The following QTMAN variants were observed in gnomAD, a reference collection of about 807,000 sequenced individuals.
QTMAN encodes tRNA-queuosine alpha-mannosyltransferase.
chr2:144,001,107 TATCATTC>T, the QTMAN span, among the ~76,000 whole-genome samples: 2 of 152,016 alleles, frequency 1.3e-5, no homozygotes, highest in Non-Finnish European at 2.9e-5. Flanking sequence ...CTGAAAAGCA[TATCATTC>T]TAATCATCCA....
chr2:144,059,714 C>T, the QTMAN span, among the ~76,000 whole-genome samples: 24 of 152,302 alleles, frequency 1.6e-4, no homozygotes, highest in Non-Finnish European at 3.1e-4. Flanking sequence ...AAGGCCATCC[C>T]CACCTTAACA....
chr2:143,985,644 A>T, the QTMAN span, among the ~76,000 whole-genome samples: 1 of 152,200 alleles, frequency 6.6e-6, no homozygotes, highest in African/African-American at 2.4e-5. Flanking sequence ...AAACTGTACC[A>T]TGCTTTCTAA....
chr2:144,125,414 T>G, the QTMAN span, among the ~76,000 whole-genome samples: 1 of 152,018 alleles, frequency 6.6e-6, no homozygotes, highest in African/African-American at 2.4e-5. Context: ...AATTCCAACT[T>G]AGGTAATTAC....
the QTMAN span, among the ~76,000 whole-genome samples, chr2:144,179,609 A>C: frequency 6.6e-6 from 1 of 152,170 alleles, no homozygotes; most frequent in African/African-American, 2.4e-5. Context: ...GAACGTCTTC[A>C]TAAGTTGGGA....
the QTMAN span, among the ~76,000 whole-genome samples, chr2:144,266,500 G>A: frequency 6.6e-6 from 1 of 152,170 alleles, no homozygotes; most frequent in Admixed American, 6.5e-5. Flanking sequence ...TAGTTTTGAA[G>A]ATTAGATGAT....
the QTMAN span, among the ~76,000 whole-genome samples, chr2:144,106,624 CAA>C: frequency 6.6e-6 from 1 of 152,184 alleles, no homozygotes; most frequent in Non-Finnish European, 1.5e-5. Flanking sequence ...TACAGACCTA[CAA>C]AGAGACTTAG....
At chr2:144,029,264 G>A in the QTMAN span, among the ~76,000 whole-genome samples, 2 of 152,166 alleles carry the variant, frequency 1.3e-5, no homozygotes, top group Admixed American at 6.5e-5. Flanking sequence ...CAAAGTGGTT[G>A]CTGATGTTTT....
chr2:144,090,590 A>G, the QTMAN span, among the ~76,000 whole-genome samples: 1 of 152,208 alleles, frequency 6.6e-6, no homozygotes, highest in South Asian at 2.1e-4. Context: ...TCAGAAACTG[A>G]AAGTATCAAA....
the QTMAN span, among the ~76,000 whole-genome samples, chr2:143,966,175 G>GGT: frequency 2.0e-5 from 3 of 152,164 alleles, no homozygotes; most frequent in African/African-American, 7.2e-5. Context: ...TTGCCTTTGA[G>GGT]GTAGACTGAT....
chr2:144,102,777 C>A, the QTMAN span, among the ~76,000 whole-genome samples: 13 of 152,244 alleles, frequency 8.5e-5, no homozygotes, highest in Admixed American at 3.9e-4. Flanking sequence ...TCTCTAGCAC[C>A]CAGCACATTG....
chr2:144,276,645 A>T, the QTMAN span, among the ~76,000 whole-genome samples: 1 of 152,216 alleles, frequency 6.6e-6, no homozygotes, highest in East Asian at 1.9e-4. Context: ...TATATATTGT[A>T]TGTGCTTTAA....
At chr2:144,164,039 C>T in the QTMAN span, among the ~76,000 whole-genome samples, 9 of 152,138 alleles carry the variant, frequency 5.9e-5, no homozygotes, top group Non-Finnish European at 1.3e-4. Context: ...TCTCCTGCCT[C>T]AGCCACCCAA....
the QTMAN span, among the ~76,000 whole-genome samples, chr2:143,997,182 GAAGT>G: frequency 1.1e-4 from 16 of 151,960 alleles, no homozygotes; most frequent in Non-Finnish European, 8.8e-5. Flanking sequence ...GCTCTTTAAA[GAAGT>G]AAGAAAACAA....
the QTMAN span, among the ~76,000 whole-genome samples, chr2:144,096,657 A>G: frequency 6.6e-6 from 1 of 152,212 alleles, no homozygotes; most frequent in Non-Finnish European, 1.5e-5. Flanking sequence ...AAGCATATCT[A>G]TCTGATTAGT....
At chr2:144,031,633 G>A in the QTMAN span, among the ~76,000 whole-genome samples, 1 of 152,220 alleles carries the variant, frequency 6.6e-6, no homozygotes, top group Non-Finnish European at 1.5e-5. Context: ...TTAAAGGGAA[G>A]CCAGCAGTGA....
chr2:144,287,974 C>G, the QTMAN span, among the ~76,000 whole-genome samples: 1 of 152,162 alleles, frequency 6.6e-6, no homozygotes, highest in African/African-American at 2.4e-5. Flanking sequence ...CCTGCCTCAG[C>G]CTCCCAAGTA....
chr2:144,087,507 C>G, the QTMAN span, among the ~76,000 whole-genome samples: 1 of 151,874 alleles, frequency 6.6e-6, no homozygotes, highest in East Asian at 1.9e-4. Flanking sequence ...ACAATGACAA[C>G]AACAAAAAAA....
the QTMAN span, among the ~76,000 whole-genome samples, chr2:144,038,755 T>C: frequency 5.3e-5 from 8 of 152,202 alleles, no homozygotes; most frequent in African/African-American, 1.9e-4. Context: ...TGAAATTTAA[T>C]GTGGATCCTA....
the QTMAN span, among the ~76,000 whole-genome samples, chr2:144,071,644 G>A: frequency 0.16 from 24,717 of 151,996 alleles, 3,842 homozygotes; most frequent in African/African-American, 0.4. Flanking sequence ...CTCCTCCCAG[G>A]AAAAGCCTTC....
Sources: gnomAD v4.1 joint callset for allele counts (sites outside exome capture counted in the v4.1 genomes callset) on GRCh38, gnomAD v4.1.1 for gene constraint, MANE v1.5 for transcripts, NCBI Gene and HGNC (gene_info 2026-07-23, HGNC 2026-07-21) for gene names.